Variants in ZNF707 observed in about 807,000 individuals in gnomAD.
ZNF707 encodes the protein zinc finger protein 707.
ZNF707 carries 8 observed loss-of-function variants against 13.3 expected under a neutral mutation model. The ratio of observed to expected loss-of-function variants is 0.60; its 90% CI spans 0.35 to 1.09. The LOEUF (loss-of-function observed/expected upper bound fraction) is 1.09, where lower values mean the gene tolerates loss of function less well. Among genes scored for constraint, ZNF707 ranks in the 50% least tolerant of loss-of-function variants. The pLI, the probability that ZNF707 is intolerant of heterozygous loss-of-function variation, is 0.02. For synonymous variants in ZNF707, 225 were observed against 205.6 expected (o/e 1.09, Z -0.81); for missense variants, 530 against 512.6 (o/e 1.03, Z -0.33).
chr8:143,691,297 T>C, intron 4 of ZNF707, 98 bp downstream of exon 4: 1 of 1,486,038 alleles, frequency 6.7e-7, no homozygotes, highest in Admixed American at 2.4e-5. Flanking sequence ...TAGTGGGGCC[T>C]CCCAGCTGAG....
chr8:143,690,243 C>T lies in ZNF707; in HGVS notation c.15+120C>T. On this transcript the variant is annotated intron_variant, in intron 3 of 5. Transcript: ENST00000358656. ...TCCCAGGCACTGTGCCCGTGTCTGC[C>T]TTTCTGCCTTCTCTCTTAAGGGGTG... is the stretch of plus-strand genomic sequence containing the variant. The T allele has an allele frequency of 4.5e-6, 6 of 1,336,894 alleles. No homozygotes were observed. The South Asian group carries it at 6.4e-5, about 14-fold the overall frequency. The allele number at this position is 1,336,894 out of a possible 1,614,324, so 82.8% of individuals were successfully genotyped here. A position where few individuals can be genotyped will look rare whatever the true frequency, so the allele number is the denominator to read the frequency against.
chr8:143,691,733 G>C lies in ZNF707; in HGVS notation c.256+20G>C. ...GGCCAGGTGAGTGCTGGGCTGTCTG[G>C]GCTCGGCGGGCCCCGTCCCTGTGGC... On this transcript the variant is annotated intron_variant, in intron 5 of 5. Coordinates refer to ENST00000358656, the MANE Select transcript of ZNF707 (RefSeq NM_001100598.2). 1.9e-6 allele frequency: 3 copies of C among 1,552,404 alleles called. No individual in the cohort carries two copies. In the South Asian group the frequency reaches 3.5e-5, roughly 18 times the overall value.
rs781939649 is a variant in ZNF707 at position 143,694,452 on chromosome 8, C to T, written c.1038C>T (p.Cys346=). ...ACCTGACGAAGAGGTTCTACGAGTG[C>T]GGCCACTGTGGGAAAGGCTTCCGTC... ...RLHLTKRFYE[C]GHCGKGFRHL... Residue 346 remains cysteine, a synonymous_variant, in exon 6 of 6, where the codon TGC becomes TGT. Transcript: ENST00000358656. The surrounding 1 kb of genome is among the most constrained non-coding windows in gnomAD (Gnocchi z 4.4). 6.2e-7 allele frequency: 1 copy of T among 1,611,952 alleles called. No individual in the cohort carries two copies. Among genetic ancestry groups the T allele is most frequent in the East Asian group, 2.2e-5 (1 of 44,824 alleles).
Position 143,693,871 on chromosome 8 carries a change from C to T in ZNF707, c.457C>T (p.Leu153Phe). 6.2e-7 allele frequency: 1 copy of T among 1,609,328 alleles called. No individual in the cohort carries two copies. The highest frequency in any genetic ancestry group is 1.1e-5 in the South Asian group (1 of 90,866). ...AKPTAFPCQV[L>F]TQRCGRRPGR... ...GCCCACGGCTTTCCCGTGTCAGGTG[C>T]TCACGCAGCGTTGTGGGCGGCGGCC... Residue 153 changes from leucine to phenylalanine, a missense_variant, in exon 6 of 6, where the codon CTC becomes TTC. Transcript: ENST00000358656. This position sits in a 1 kb window ranked among gnomAD's most constrained non-coding sequence, Gnocchi z 4.1.
rs2131539720 is a variant in ZNF707, at chr8:143,693,442, T to C, written c.257-229T>C. Among the ~76,000 whole-genome samples, 3 of 145,562 alleles carry C rather than the reference T, an allele frequency of 2.1e-5. No homozygotes were observed. The highest frequency in any genetic ancestry group is 2.2e-4 in the South Asian group (1 of 4,526). The stretch of plus-strand genomic sequence containing the variant: ...AGCTGGGACCACAGGCGCCCGCCAC[T>C]GCGCCCGGCTAATTTTTTGTATTTT... On this transcript the variant is annotated intron_variant, in intron 5 of 5. Transcript: ENST00000358656. This position sits in a 1 kb window ranked among gnomAD's most constrained non-coding sequence, Gnocchi z 4.1.
At chr8:143,691,742 G>C in intron 5 of ZNF707, 29 bp downstream of exon 5, 15 of 1,536,282 alleles carry the variant, frequency 9.8e-6, no homozygotes, top group Non-Finnish European at 1.3e-5. Flanking sequence ...GGGCTCGGCG[G>C]GCCCCGTCCC....
intron 3 of ZNF707, 27 bp from the exon 4 acceptor site, chr8:143,691,046 C>T: frequency 6.2e-7 from 1 of 1,613,134 alleles, no homozygotes; most frequent in African/African-American, 1.3e-5. Flanking sequence ...TTGGGAATGG[C>T]CTCTTCGGGA....
chr8:143,692,903 C>G (rs932388891), intron 5 of ZNF707, among the ~76,000 whole-genome samples: 2 of 151,822 alleles, frequency 1.3e-5, no homozygotes, highest in Non-Finnish European at 2.9e-5. Context: ...GTGGAGCCCC[C>G]GGCTGAAGGG....
intron 1 of ZNF707, chr8:143,684,971 C>T (rs1816125687): frequency 6.6e-6 from 1 of 152,354 alleles, no homozygotes; most frequent in African/African-American, 2.4e-5. Context: ...ACCCCACCCT[C>T]TGGTCCTCCC....
At chr8:143,689,991 C>A in intron 2 of ZNF707, 66 bp from the exon 3 acceptor site, 4 of 1,358,014 alleles carry the variant, frequency 2.9e-6, no homozygotes, top group Non-Finnish European at 4.1e-6. Context: ...TGGGGGGGCT[C>A]CTGGGGTCAG....
In ZNF707 at chr8:143,690,264, G is replaced by A. The variant is rs113610943; in HGVS notation, c.15+141G>A. ...CTGCCTTTCTGCCTTCTCTCTTAAG[G>A]GGTGGGGAAAGAAAAAGAAAATTGG... On this transcript the variant is annotated intron_variant, in intron 3 of 5. Coordinates refer to ENST00000358656, the MANE Select transcript of ZNF707 (RefSeq NM_001100598.2). 2.9e-4 allele frequency: 334 copies of A among 1,160,160 alleles called. 4 individuals carry two copies. The African/African-American group carries it at 4.5e-3, about 16-fold the overall frequency. 71.9% of individuals were successfully genotyped at this position (1,160,160 alleles called of 1,614,324 possible).
Position 143,693,283 on chromosome 8 carries a change from C to CAT in ZNF707, c.257-388_257-387insAT, listed in dbSNP as rs1816997238. On this transcript the variant is annotated intron_variant, in intron 5 of 5. Coordinates refer to ENST00000358656, the MANE Select transcript of ZNF707 (RefSeq NM_001100598.2). This position sits in a 1 kb window ranked among gnomAD's most constrained non-coding sequence, Gnocchi z 4.1. ...GCACACAGCAGGAGGGTCCTCTGGG[C>CAT]TTTTTTTTTTTTTTTGAGACGGAGT... 7.0e-6 allele frequency among the ~76,000 whole-genome samples: 1 copy of CAT among 141,850 alleles called. No homozygotes were observed. The allele number at this position is 141,850 out of a possible 152,430, so 93.1% of individuals were successfully genotyped here.
chr8:143,694,275 G>A lies in ZNF707; in HGVS notation c.861G>A (p.Pro287=), dbSNP rs376294929. 4.4e-6 allele frequency: 7 copies of A among 1,596,060 alleles called. No homozygotes were observed. Among genetic ancestry groups the A allele is most frequent in the Non-Finnish European group, 1.7e-6 (2 of 1,171,026 alleles). ...AGCTGGTGCACACCGGGGAGCGGCCGTTCTACTGCGCGGACTGCGGCAAAG... is the reference window on the plus strand; with the variant it reads ...AGCTGGTGCACACCGGGGAGCGGCCATTCTACTGCGCGGACTGCGGCAAAG... ...RHQLVHTGER[P]FYCADCGKAF... The change falls in exon 6 of 6, where the codon CCG becomes CCA. Residue 287 remains proline (P), a synonymous_variant. Transcript: ENST00000358656. This position sits in a 1 kb window ranked among gnomAD's most constrained non-coding sequence, Gnocchi z 4.4.
intron 5 of ZNF707, among the ~76,000 whole-genome samples, chr8:143,692,961 G>A (rs72693324): frequency 0.034 from 5,222 of 152,180 alleles, 138 homozygotes; most frequent in Non-Finnish European, 0.053. Context: ...GGAGCTACCC[G>A]TCTTCTAGAC....
intron 5 of ZNF707, chr8:143,692,321 A>C (rs1554613871): frequency 7.8e-7 from 1 of 1,289,456 alleles, no homozygotes; most frequent in African/African-American, 1.5e-5. Context: ...GTGGAGTGTC[A>C]GGTTCCTAGG....
chr8:143,687,632 G>A (rs1490886575), intron 1 of ZNF707, among the ~76,000 whole-genome samples: 3 of 152,190 alleles, frequency 2.0e-5, no homozygotes, highest in Non-Finnish European at 4.4e-5. Flanking sequence ...CACCACGCCC[G>A]ACCTACTTCT....
At position 143,693,163 on chromosome 8, in the gene ZNF707, G is replaced by C. The variant is rs953869979; in HGVS notation, c.257-508G>C. Reference sequence around the variant, plus strand: ...ATCTGAGCTCATCTTGGCTTCCGCTGTTGATACCTGTGGCTCATCTGTGTT... The same window carrying C: ...ATCTGAGCTCATCTTGGCTTCCGCTCTTGATACCTGTGGCTCATCTGTGTT... On this transcript the variant is annotated intron_variant, in intron 5 of 5. Transcript: ENST00000358656. The surrounding 1 kb of genome is among the most constrained non-coding windows in gnomAD (Gnocchi z 4.1). 6.6e-6 allele frequency among the ~76,000 whole-genome samples: 1 copy of C among 152,184 alleles called. No individual in the cohort carries two copies. Among genetic ancestry groups the C allele is most frequent in the South Asian group, 2.1e-4 (1 of 4,832 alleles).
At chr8:143,685,911 C>T (rs1816219643) in intron 1 of ZNF707, among the ~76,000 whole-genome samples, 1 of 152,164 alleles carries the variant, frequency 6.6e-6, no homozygotes, top group Non-Finnish European at 1.5e-5. Flanking sequence ...TCCTTCTGTT[C>T]TCCCGTATTA....
chr8:143,688,354 G>T (rs1451741810), intron 1 of ZNF707, among the ~76,000 whole-genome samples: 1 of 152,188 alleles, frequency 6.6e-6, no homozygotes, highest in African/African-American at 2.4e-5. Context: ...AGGAGAAAGG[G>T]AATGTCTGTG....
Sources: allele counts gnomAD v4.1 joint callset (sites outside exome capture counted in the v4.1 genomes callset), GRCh38; gene constraint gnomAD v4.1.1; non-coding constraint Gnocchi (gnomAD v3.1); transcripts MANE v1.5; gene names NCBI Gene and HGNC (gene_info 2026-07-23, HGNC 2026-07-21).